The following OPA3 variants were observed in gnomAD, a reference collection of about 807,000 sequenced individuals.
OPA3 encodes the protein outer mitochondrial membrane lipid metabolism regulator OPA3.
In OPA3, 6 loss-of-function variants were observed where a neutral mutation model predicts 4.0. That is an observed-to-expected ratio of 1.51 (90% CI 0.83 to 2.99). OPA3 has a LOEUF of 2.99. OPA3 is among the 30% of genes most tolerant of loss of function. The probability of loss-of-function intolerance (pLI) is 0.00; values close to 1 mark genes in which losing one functional copy is unlikely to be tolerated. For synonymous variants in OPA3, 105 were observed against 117.1 expected (o/e 0.90, Z 0.67); for missense variants, 235 against 256.2 (o/e 0.92, Z 0.56).
intron 1 of OPA3, among the ~76,000 whole-genome samples, chr19:45,530,823 G>A (rs1599948162): frequency 6.7e-6 from 1 of 150,226 alleles, no homozygotes; most frequent in Non-Finnish European, 1.5e-5. Context: ...GTGCAGTGGT[G>A]TGATCTTGGC....
intron 1 of OPA3, among the ~76,000 whole-genome samples, chr19:45,577,883 A>T (rs1599999534): frequency 6.6e-6 from 1 of 152,328 alleles, no homozygotes; most frequent in Non-Finnish European, 1.5e-5. Context: ...TGTCAATGTC[A>T]AAAAACAAGG....
chr19:45,544,795 A>AAAATAAATAAATAAATAAATAAAT (rs200192671), downstream of OPA3, among the ~76,000 whole-genome samples: 18 of 140,748 alleles, frequency 1.3e-4, no homozygotes, highest in African/African-American at 4.0e-4. Flanking sequence ...ACTCCGTCTC[A>AAAATAAATAAATAAATAAATAAAT]AAATAAATAA....
intron 1 of OPA3, among the ~76,000 whole-genome samples, chr19:45,575,430 G>T (rs527284925): frequency 6.6e-6 from 1 of 152,166 alleles, no homozygotes; most frequent in African/African-American, 2.4e-5. Flanking sequence ...TGGATCAGAT[G>T]GCTATGTAGA....
intron 1 of OPA3, among the ~76,000 whole-genome samples, chr19:45,567,581 T>C (rs1010668799): frequency 6.6e-6 from 1 of 152,126 alleles, no homozygotes; most frequent in Non-Finnish European, 1.5e-5. Flanking sequence ...GGGTACTAGT[T>C]ACATGGGTAT....
At chr19:45,536,112 T>G (rs577488011) in intron 1 of OPA3, among the ~76,000 whole-genome samples, 2 of 150,160 alleles carry the variant, frequency 1.3e-5, no homozygotes, top group African/African-American at 4.9e-5. Flanking sequence ...ACCTGTAATC[T>G]CAGCTACTCA....
At chr19:45,533,748 C>A (rs1024151482) in intron 1 of OPA3, among the ~76,000 whole-genome samples, 3 of 152,146 alleles carry the variant, frequency 2.0e-5, no homozygotes, top group Non-Finnish European at 2.9e-5. Context: ...CTCTTGGTGG[C>A]CCTGGATGGG....
intron 1 of OPA3, among the ~76,000 whole-genome samples, chr19:45,559,805 G>A (rs113232882): frequency 4.6e-5 from 7 of 151,740 alleles, no homozygotes; most frequent in African/African-American, 1.7e-4. Flanking sequence ...GGCTGGGTCA[G>A]ACACATTCTC....
At chr19:45,531,394 T>G (rs989739055) in intron 1 of OPA3, among the ~76,000 whole-genome samples, 3 of 152,214 alleles carry the variant, frequency 2.0e-5, no homozygotes, top group African/African-American at 7.2e-5. Context: ...ACTAACTATG[T>G]GACCCACAAA....
intron 1 of OPA3, among the ~76,000 whole-genome samples, chr19:45,568,610 C>T (rs888539700): frequency 2.0e-5 from 3 of 152,104 alleles, no homozygotes; most frequent in Non-Finnish European, 4.4e-5. Flanking sequence ...TACAGCAACC[C>T]GAGACTGCAG....
At chr19:45,532,788 A>G (rs1322020848) in intron 1 of OPA3, among the ~76,000 whole-genome samples, 1 of 152,054 alleles carries the variant, frequency 6.6e-6, no homozygotes, top group African/African-American at 2.4e-5. Flanking sequence ...TATGTTGTCC[A>G]GCCTTGTCTC....
intron 1 of OPA3, among the ~76,000 whole-genome samples, chr19:45,554,938 G>A (rs375590173): frequency 1.3e-4 from 20 of 151,998 alleles, no homozygotes; most frequent in African/African-American, 4.8e-4. Context: ...CTACAGGCAC[G>A]CGCCACCATG....
At chr19:45,544,585 G>A (rs952429849), downstream of OPA3, among the ~76,000 whole-genome samples, 2 of 152,014 alleles carry the variant, frequency 1.3e-5, no homozygotes, top group South Asian at 2.1e-4. Flanking sequence ...ACCTGAGGTC[G>A]GGAGTTCGAG....
intron 1 of OPA3, among the ~76,000 whole-genome samples, chr19:45,557,496 C>T (rs115431209): frequency 0.011 from 1,721 of 152,178 alleles, 37 homozygotes; most frequent in African/African-American, 0.039. Flanking sequence ...GTCTCCTAGA[C>T]CTCTCACACT....
chr19:45,582,689 C>G (rs982129005), intron 1 of OPA3, among the ~76,000 whole-genome samples: 1 of 152,006 alleles, frequency 6.6e-6, no homozygotes, highest in African/African-American at 2.4e-5. Flanking sequence ...GCCACAAGAT[C>G]AGATGGGCCA....
chr19:45,563,897 C>G (rs1969542373), intron 1 of OPA3, among the ~76,000 whole-genome samples: 1 of 150,996 alleles, frequency 6.6e-6, no homozygotes, highest in Non-Finnish European at 1.5e-5. Context: ...GTCATGTTGC[C>G]CAGGCTGGTC....
chr19:45,582,886 CAAG>C (rs1040694309), intron 1 of OPA3, among the ~76,000 whole-genome samples: 1 of 152,162 alleles, frequency 6.6e-6, no homozygotes, highest in Non-Finnish European at 1.5e-5. Context: ...AGTCGCCAGA[CAAG>C]AAGGAGGTCT....
chr19:45,544,875 T>A (rs1969228124), downstream of OPA3, among the ~76,000 whole-genome samples: 1 of 148,188 alleles, frequency 6.7e-6, no homozygotes, highest in Non-Finnish European at 1.5e-5. Flanking sequence ...CCCAGCTACT[T>A]GGGAGGCTGA....
rs576651050 is a variant in OPA3 at position 45,566,139 on chromosome 19, TC to T, written c.143-12229del. Among the ~76,000 whole-genome samples the T allele has an allele frequency of 2.2e-3, 336 of 152,226 alleles. 2 individuals are homozygous for T. Among genetic ancestry groups the T allele is most frequent in the African/African-American group, 7.5e-3 (312 of 41,540 alleles). On this transcript the variant is annotated intron_variant, in intron 1 of 1. Coordinates refer to ENST00000263275, the MANE Select transcript of OPA3 (RefSeq NM_025136.4). ...CAGGAATATAAGATTGGTTTAATAT[TC>T]TTTTTTTTATTATTATTATTGTTTT...
At position 45,552,334 on chromosome 19, in the gene OPA3, A is replaced by G; in HGVS notation, c.*1180T>C. ...GCAATTCTCCTGTCTCAGCCTCCCAAGTAGCTGGGATTACAGGTGCATGCC... is the reference window on the plus strand; with the variant it reads ...GCAATTCTCCTGTCTCAGCCTCCCAGGTAGCTGGGATTACAGGTGCATGCC... On this transcript the variant is annotated 3_prime_UTR_variant, in exon 2 of 2. Transcript: ENST00000263275. The G allele has an allele frequency of 3.2e-6, 1 of 309,688 alleles. No homozygotes were observed. The highest frequency in any genetic ancestry group is 1.3e-4 in the South Asian group (1 of 7,834). The allele number at this position is 309,688 out of a possible 1,614,324, so 19.2% of individuals were successfully genotyped here. A position where few individuals can be genotyped will look rare whatever the true frequency, so the allele number is the denominator to read the frequency against.
Sources: gnomAD v4.1 joint callset for allele counts (sites outside exome capture counted in the v4.1 genomes callset) on GRCh38, gnomAD v4.1.1 for gene constraint, MANE v1.5 for transcripts, NCBI Gene and HGNC (gene_info 2026-07-23, HGNC 2026-07-21) for gene names.